Variants in CNTN5 observed in about 807,000 individuals in gnomAD.
CNTN5 encodes contactin-5.
CNTN5 carries 77 observed loss-of-function variants against 129.1 expected under a neutral mutation model. The ratio of observed to expected loss-of-function variants is 0.60; its 90% CI spans 0.50 to 0.72. The LOEUF is 0.72. CNTN5 is among the 30% of genes least tolerant of loss of function. The pLI is 0.00. For missense variants in CNTN5, 1,478 were observed against 1,328.8 expected (o/e 1.11, Z -1.75); for synonymous variants, 509 against 465.6 (o/e 1.09, Z -1.20).
intron 3 of CNTN5, among the ~76,000 whole-genome samples, chr11:99,566,700 A>G (rs1204294119): frequency 2.0e-5 from 3 of 152,226 alleles, no homozygotes; most frequent in South Asian, 2.1e-4. Flanking sequence ...GACTGGTGTA[A>G]TAGAGATTTT....
chr11:100,127,095 ATTT>A lies in CNTN5; in HGVS notation c.1580+52826_1580+52828del, dbSNP rs5794039. On this transcript the variant is annotated intron_variant, in intron 13 of 24. Transcript: ENST00000524871. Reference sequence around the variant, plus strand: ...AGGTGCACACCACCATGCGCAGCTAATTTTTTTTTTTTTTTTTTTTTTTTTTTA... The same window carrying A: ...AGGTGCACACCACCATGCGCAGCTAATTTTTTTTTTTTTTTTTTTTTTTTA... Among the ~76,000 whole-genome samples the A allele has an allele frequency of 1.5e-3, 125 of 85,628 alleles. 1 individual carries two copies. The highest frequency in any genetic ancestry group is 7.1e-3 in the Middle Eastern group (1 of 140). 56.2% of individuals were successfully genotyped at this position (85,628 alleles called of 152,430 possible). A position where few individuals can be genotyped will look rare whatever the true frequency, so the allele number is the denominator to read the frequency against.
At chr11:99,130,498 C>T (rs909578522) in intron 1 of CNTN5, among the ~76,000 whole-genome samples, 2 of 151,984 alleles carry the variant, frequency 1.3e-5, no homozygotes, top group East Asian at 3.9e-4. Context: ...AGATTTAGAC[C>T]CCCACACGAT....
At chr11:99,036,185 T>C (rs1863723683) in intron 1 of CNTN5, among the ~76,000 whole-genome samples, 1 of 152,060 alleles carries the variant, frequency 6.6e-6, no homozygotes, top group Non-Finnish European at 1.5e-5. Context: ...AGAAATGCCA[T>C]ACAGTTGCTT....
intron 2 of CNTN5, among the ~76,000 whole-genome samples, chr11:99,519,758 A>T (rs1947201743): frequency 6.6e-6 from 1 of 152,056 alleles, no homozygotes; most frequent in Non-Finnish European, 1.5e-5. Context: ...CAGTCTGGGA[A>T]CAATTCTAGA....
intron 6 of CNTN5, among the ~76,000 whole-genome samples, chr11:99,901,816 A>G (rs2135952069): frequency 6.6e-6 from 1 of 152,344 alleles, no homozygotes; most frequent in Middle Eastern, 3.4e-3. Flanking sequence ...GATGCTGGAT[A>G]CAAGGATACA....
At chr11:99,433,405 TTG>T (rs3990851) in intron 2 of CNTN5, among the ~76,000 whole-genome samples, 142,416 of 148,218 alleles carry the variant, frequency 0.96, 68,652 homozygotes, top group East Asian at 1. Context: ...GTGTGTGTCT[TTG>T]TGTGTGTGTG....
chr11:100,142,411 C>T (rs1195350570), intron 13 of CNTN5, among the ~76,000 whole-genome samples: 1 of 152,138 alleles, frequency 6.6e-6, no homozygotes, highest in Non-Finnish European at 1.5e-5. Context: ...CTGACTAATA[C>T]ATATGTAGAT....
intron 15 of CNTN5, among the ~76,000 whole-genome samples, chr11:100,216,891 T>G (rs970339243): frequency 6.6e-6 from 1 of 151,850 alleles, no homozygotes; most frequent in South Asian, 2.1e-4. Context: ...CAAGGAGGGG[T>G]TTCCTAGATG....
intron 8 of CNTN5, among the ~76,000 whole-genome samples, chr11:99,965,926 G>A (rs934810840): frequency 6.6e-6 from 1 of 152,102 alleles, no homozygotes; most frequent in African/African-American, 2.4e-5. Flanking sequence ...TAAGTAGATG[G>A]CACATATTAA....
chr11:99,500,257 T>C (rs118163495), intron 2 of CNTN5, among the ~76,000 whole-genome samples: 153 of 152,322 alleles, frequency 1.0e-3, no homozygotes, highest in Middle Eastern at 6.8e-3. Flanking sequence ...TTTGTTTATA[T>C]GCAGTGATAG....
At chr11:100,133,218 C>T (rs146793694) in intron 13 of CNTN5, among the ~76,000 whole-genome samples, 1 of 152,128 alleles carries the variant, frequency 6.6e-6, no homozygotes, top group Non-Finnish European at 1.5e-5. Context: ...ATGGTGAGTT[C>T]AACCCATCAC....
At chr11:100,175,459 C>T (rs959209537) in intron 13 of CNTN5, among the ~76,000 whole-genome samples, 2 of 152,090 alleles carry the variant, frequency 1.3e-5, no homozygotes, top group Admixed American at 1.3e-4. Flanking sequence ...TGATCTGGAT[C>T]TCAATGTCTT....
chr11:99,414,154 T>C (rs948283274), intron 2 of CNTN5, among the ~76,000 whole-genome samples: 1 of 152,222 alleles, frequency 6.6e-6, no homozygotes, highest in Non-Finnish European at 1.5e-5. Flanking sequence ...TGTTATATAT[T>C]ATATTTCTGT....
intron 3 of CNTN5, among the ~76,000 whole-genome samples, chr11:99,614,533 A>G (rs919161670): frequency 1.2e-4 from 19 of 152,164 alleles, no homozygotes; most frequent in Admixed American, 1.2e-3. Flanking sequence ...AAGGCACTGA[A>G]TTGGATTAGT....
intron 8 of CNTN5, among the ~76,000 whole-genome samples, chr11:99,981,077 GATATATATAT>G (rs372749441): frequency 1.0e-4 from 6 of 57,598 alleles, no homozygotes; most frequent in East Asian, 6.0e-4. Flanking sequence ...GAGCCAATAG[GATATATATAT>G]ATATATATAT....
chr11:100,096,619 C>T (rs1357671970), intron 13 of CNTN5, among the ~76,000 whole-genome samples: 2 of 152,024 alleles, frequency 1.3e-5, no homozygotes, highest in African/African-American at 4.8e-5. Flanking sequence ...CAAATTATGA[C>T]TACCTCATCA....
intron 3 of CNTN5, among the ~76,000 whole-genome samples, chr11:99,612,737 T>A (rs1194071260): frequency 6.6e-6 from 1 of 152,222 alleles, no homozygotes; most frequent in Non-Finnish European, 1.5e-5. Context: ...ATTCCCTTTT[T>A]CATATAACAT....
intron 9 of CNTN5, among the ~76,000 whole-genome samples, chr11:100,030,098 T>C (rs1222369150): frequency 6.6e-6 from 1 of 152,036 alleles, no homozygotes; most frequent in East Asian, 1.9e-4. Context: ...TGGCTGTAGG[T>C]CAGGCATGGC....
At chr11:99,104,831 G>A (rs1375206784) in intron 1 of CNTN5, among the ~76,000 whole-genome samples, 1 of 151,460 alleles carries the variant, frequency 6.6e-6, no homozygotes, top group African/African-American at 2.4e-5. Context: ...GATTGATCAG[G>A]AACAATATTT....
Sources: gnomAD v4.1 joint callset for allele counts (sites outside exome capture counted in the v4.1 genomes callset) on GRCh38, gnomAD v4.1.1 for gene constraint, MANE v1.5 for transcripts, NCBI Gene and HGNC (gene_info 2026-07-23, HGNC 2026-07-21) for gene names.